PAK6: variants seen among roughly 807,000 people sequenced by gnomAD.
PAK6 encodes serine/threonine-protein kinase PAK 6.
A neutral mutation model predicts 60.8 loss-of-function variants in PAK6; 33 were observed. That is an observed-to-expected ratio of 0.54 (90% CI 0.41 to 0.73). The LOEUF is 0.73. Among genes scored for constraint, PAK6 ranks in the 30% least tolerant of loss-of-function variants. The pLI, the probability that PAK6 is intolerant of heterozygous loss-of-function variation, is 0.00. For missense variants in PAK6, 845 were observed against 904.1 expected, an observed-to-expected ratio of 0.93 and a Z score of 0.84; for synonymous variants, 404 against 378.5, an observed-to-expected ratio of 1.07 and a Z score of -0.78.
At chr15:40,273,757 G>A in intron 9 of PAK6, 81 bp downstream of exon 9, 1 of 1,533,766 alleles carries the variant, frequency 6.5e-7, no homozygotes, top group Non-Finnish European at 8.9e-7. Context: ...CCTCCAGTGA[G>A]CTCACCAAAA....
intron 3 of PAK6, chr15:40,258,729 G>C (rs998387314): frequency 6.6e-6 from 1 of 152,300 alleles, no homozygotes; most frequent in African/African-American, 2.4e-5. Flanking sequence ...GCCAGGCTCC[G>C]GCTGGAGGAA....
At chr15:40,250,543 A>G (rs1352827297) in intron 2 of PAK6, 1 of 152,096 alleles carries the variant, frequency 6.6e-6, no homozygotes, top group Non-Finnish European at 1.5e-5. Context: ...TGTAGCTCCC[A>G]AGGGGTGGGA....
chr15:40,252,724 C>G (rs945053857), intron 2 of PAK6: 1 of 1,303,312 alleles, frequency 7.7e-7, no homozygotes, highest in Non-Finnish European at 1.0e-6. Flanking sequence ...AGGTTCGCGG[C>G]GAGAGGACGG....
intron 5 of PAK6, among the ~76,000 whole-genome samples, chr15:40,268,125 C>T (rs768998606): frequency 4.6e-5 from 7 of 152,170 alleles, no homozygotes; most frequent in African/African-American, 7.2e-5. Context: ...GTAGTTATCT[C>T]GAGCTCAGCA....
exon 1 of PAK6, chr15:40,239,670 C>T (rs1464607281): frequency 1.3e-5 from 2 of 152,378 alleles, no homozygotes; most frequent in African/African-American, 2.4e-5. Flanking sequence ...CAGTCTTGTC[C>T]GAGCTGACTG....
intron 2 of PAK6, among the ~76,000 whole-genome samples, chr15:40,250,147 C>G (rs917003444): frequency 6.6e-6 from 1 of 152,202 alleles, no homozygotes; most frequent in Non-Finnish European, 1.5e-5. Context: ...TGTTGTTCTG[C>G]CCTTTCCTCC....
chr15:40,241,430 G>C (rs887101478), intron 2 of PAK6, among the ~76,000 whole-genome samples: 4 of 149,502 alleles, frequency 2.7e-5, no homozygotes, highest in African/African-American at 9.9e-5. Context: ...CCCCAGGCCT[G>C]GTGGGCCTGG....
At chr15:40,265,025 C>T (rs747673606) in intron 4 of PAK6, 36 bp downstream of exon 4, 15 of 1,582,544 alleles carry the variant, frequency 9.5e-6, no homozygotes, top group South Asian at 3.4e-5. Flanking sequence ...TTCAGCCTCT[C>T]CCAGTACTCA....
At chr15:40,244,158 G>A (rs1461762857) in intron 2 of PAK6, among the ~76,000 whole-genome samples, 3 of 151,898 alleles carry the variant, frequency 2.0e-5, no homozygotes, top group African/African-American at 7.3e-5. Context: ...GGTGAACCCC[G>A]TCTCTACTAA....
At chr15:40,270,448 A>G (rs2039269476) in intron 5 of PAK6, among the ~76,000 whole-genome samples, 2 of 152,034 alleles carry the variant, frequency 1.3e-5, no homozygotes, top group Admixed American at 1.3e-4. Flanking sequence ...CGGTTTCTCT[A>G]GCTCCCCAGA....
chr15:40,261,690 G>GCTGC (rs2038990393), intron 3 of PAK6, among the ~76,000 whole-genome samples: 1 of 152,124 alleles, frequency 6.6e-6, no homozygotes. Context: ...ATGAGTCCTA[G>GCTGC]CTGCCTCCCT....
At chr15:40,254,879 T>C (rs934153025) in intron 3 of PAK6, among the ~76,000 whole-genome samples, 3 of 152,254 alleles carry the variant, frequency 2.0e-5, no homozygotes, top group African/African-American at 7.2e-5. Flanking sequence ...TTTATAAGCA[T>C]ACCTTTCTTT....
chr15:40,273,756 A>G (rs2039375521), intron 9 of PAK6, 80 bp downstream of exon 9: 1 of 1,534,764 alleles, frequency 6.5e-7, no homozygotes, highest in Non-Finnish European at 8.9e-7. Context: ...CCCTCCAGTG[A>G]GCTCACCAAA....
chr15:40,262,520 AC>A (rs1211931365), intron 3 of PAK6, among the ~76,000 whole-genome samples: 1 of 137,634 alleles, frequency 7.3e-6, no homozygotes, highest in African/African-American at 2.8e-5. Flanking sequence ...AACAACAACA[AC>A]AACAACAAAC....
chr15:40,272,527 G>A lies in PAK6; in HGVS notation c.1162G>A (p.Glu388Lys), dbSNP rs145336671. 2.3e-4 allele frequency: 374 copies of A among 1,613,822 alleles called. 1 individual carries two copies. Among genetic ancestry groups the A allele is most frequent in the Admixed American group, 5.3e-4 (32 of 60,028 alleles). ...TGAGGACACAGGTGTTGTGACACAT[G>A]AGCAGTTCAAGGCTGCGCTCAGGAT... Residue 388 changes from glutamate (E) to lysine (K), a missense_variant, in exon 6 of 11, where the codon GAG becomes AAG. By Grantham distance (56) the Glu-to-Lys change is moderately conservative. Coordinates refer to ENST00000560346, the Ensembl canonical transcript of PAK6.
intron 3 of PAK6, chr15:40,264,380 G>A (rs1075506): frequency 0.11 from 50,140 of 458,554 alleles, 3,593 homozygotes; most frequent in African/African-American, 0.24. Flanking sequence ...GGTCATACTC[G>A]TTTCATAAAA....
intron 10 of PAK6, among the ~76,000 whole-genome samples, chr15:40,275,280 G>GTTTTTTTTTTGTTTTTTT (rs2039419105): frequency 1.8e-5 from 1 of 56,486 alleles, no homozygotes; most frequent in African/African-American, 7.2e-5. Context: ...GTTGTTGTTG[G>GTTTTTTTTTTGTTTTTTT]TTTTTTTTTT....
intron 3 of PAK6, chr15:40,260,233 A>G (rs2038948607): frequency 6.6e-6 from 1 of 152,084 alleles, no homozygotes; most frequent in Non-Finnish European, 1.5e-5. Context: ...TTATTATTTT[A>G]CCTTTCACAT....
intron 10 of PAK6, among the ~76,000 whole-genome samples, chr15:40,275,280 GTT>G (rs869058525): frequency 1.6e-4 from 9 of 56,512 alleles, no homozygotes; most frequent in South Asian, 6.8e-4. Flanking sequence ...GTTGTTGTTG[GTT>G]TTTTTTTTTT....
Sources: allele counts gnomAD v4.1 joint callset (sites outside exome capture counted in the v4.1 genomes callset), GRCh38; gene constraint gnomAD v4.1.1; transcripts MANE v1.5; gene names NCBI Gene and HGNC (gene_info 2026-07-23, HGNC 2026-07-21).